Variants in FOXN2 observed in about 807,000 individuals in gnomAD.
The protein encoded by FOXN2 is forkhead box N2.
FOXN2 carries 19 observed loss-of-function variants against 41.2 expected under a neutral mutation model. That is an observed-to-expected ratio of 0.46 (90% CI 0.32 to 0.68). FOXN2 has a LOEUF of 0.68. Among genes scored for constraint, FOXN2 ranks in the 30% least tolerant of loss-of-function variants. The pLI is 0.03. For missense variants in FOXN2, 587 were observed against 509.4 expected (o/e 1.15, Z -1.47); for synonymous variants, 195 against 176.8 (o/e 1.10, Z -0.82).
intron 2 of FOXN2, among the ~76,000 whole-genome samples, chr2:48,331,217 TGA>T (rs1178779215): frequency 6.6e-6 from 1 of 152,222 alleles, no homozygotes; most frequent in Non-Finnish European, 1.5e-5. Flanking sequence ...TGTTTTGATC[TGA>T]GTCTTTTCTC....
Position 48,377,919 on chromosome 2 carries a change from C to T in FOXN2, c.*2476C>T, listed in dbSNP as rs879316764. The T allele has an allele frequency of 6.6e-6, 1 of 151,992 alleles. No homozygotes were observed. The highest frequency in any genetic ancestry group is 1.5e-5 in the Non-Finnish European group (1 of 67,894). 9.4% of individuals were successfully genotyped at this position (151,992 alleles called of 1,614,324 possible). A position where few individuals can be genotyped will look rare whatever the true frequency, so the allele number is the denominator to read the frequency against. The stretch of plus-strand genomic sequence containing the variant: ...CAATTAAGTAGAGTCATTCCAAGTC[C>T]TATGGCCTGGAAATTGTATTCCCTA... On this transcript the variant is annotated 3_prime_UTR_variant, in exon 7 of 7. Transcript: ENST00000340553.
At chr2:48,374,896 T>C (rs753040062) in intron 6 of FOXN2, 24 bp from the exon 7 acceptor site, 4 of 1,573,960 alleles carry the variant, frequency 2.5e-6, no homozygotes, top group African/African-American at 1.4e-5. Flanking sequence ...TTTGACCTAT[T>C]GATGGAACTT....
chr2:48,314,989 G>A lies in FOXN2; in HGVS notation c.-157+175G>A, dbSNP rs1029800867. On this transcript the variant is annotated intron_variant, in intron 1 of 6. Coordinates refer to ENST00000340553, the MANE Select transcript of FOXN2 (RefSeq NM_002158.4). ...TCCAGTGAGGAATTTGCGCCGGCGCGGGGGTGTCCCCGGCGCGCGTATCGG... is the reference window on the plus strand; with the variant it reads ...TCCAGTGAGGAATTTGCGCCGGCGCAGGGGTGTCCCCGGCGCGCGTATCGG... Among the ~76,000 whole-genome samples, 4 of 152,072 alleles carry A rather than the reference G, an allele frequency of 2.6e-5. No homozygotes were observed. In the East Asian group the frequency reaches 7.8e-4, roughly 30 times the overall value.
chr2:48,356,926 T>A (rs1671831903), intron 3 of FOXN2, among the ~76,000 whole-genome samples: 1 of 152,232 alleles, frequency 6.6e-6, no homozygotes, highest in African/African-American at 2.4e-5. Flanking sequence ...ATTTCCTGTT[T>A]CCGTAGCACA....
At chr2:48,323,522 G>A (rs547173746) in intron 1 of FOXN2, among the ~76,000 whole-genome samples, 1 of 152,170 alleles carries the variant, frequency 6.6e-6, no homozygotes, top group South Asian at 2.1e-4. Flanking sequence ...TTGGTTGGCT[G>A]CCTTTATGTC....
chr2:48,330,574 TGATTG>T (rs1032999852), intron 2 of FOXN2, among the ~76,000 whole-genome samples: 2 of 151,876 alleles, frequency 1.3e-5, no homozygotes, highest in African/African-American at 4.8e-5. Context: ...TACTTGAGAG[TGATTG>T]GATAAGAAAG....
chr2:48,356,854 A>C (rs748440905), intron 3 of FOXN2, among the ~76,000 whole-genome samples: 6 of 152,216 alleles, frequency 3.9e-5, no homozygotes, highest in Admixed American at 1.3e-4. Context: ...GCAGTTCTCT[A>C]CCAAGTAAGT....
chr2:48,314,436 C>T (rs898935523), upstream of FOXN2, among the ~76,000 whole-genome samples: 1 of 152,256 alleles, frequency 6.6e-6, no homozygotes, highest in African/African-American at 2.4e-5. Flanking sequence ...CTTCCGGACC[C>T]TGCATTTCAC....
At chr2:48,324,614 A>T (rs187880873) in intron 1 of FOXN2, among the ~76,000 whole-genome samples, 1 of 152,102 alleles carries the variant, frequency 6.6e-6, no homozygotes, top group African/African-American at 2.4e-5. Context: ...CTTCTATTCA[A>T]ATTGGCAGCA....
At chr2:48,362,030 A>G (rs1572764343) in intron 4 of FOXN2, among the ~76,000 whole-genome samples, 1 of 152,010 alleles carries the variant, frequency 6.6e-6, no homozygotes, top group African/African-American at 2.4e-5. Context: ...CATTATTATT[A>G]TTTAATTATC....
Position 48,375,280 on chromosome 2 carries a change from A to T in FOXN2, c.1133A>T (p.Lys378Ile). The change falls in exon 7 of 7, where the codon AAA (lysine) becomes ATA (isoleucine). Residue 378 changes from lysine to isoleucine, a missense_variant. By Grantham distance (102) the Lys-to-Ile change is moderately radical. Coordinates refer to ENST00000340553, the MANE Select transcript of FOXN2 (RefSeq NM_002158.4). Reference protein sequence around the residue: ...ASQPCAKISEKGQSGKKMRKQ... With the variant: ...ASQPCAKISEIGQSGKKMRKQ... The stretch of plus-strand genomic sequence containing the variant: ...CAGCCTTGTGCAAAAATCTCTGAAA[A>T]AGGGCAGTCAGGCAAAAAGATGCGA... 2 of 1,614,060 alleles carry T rather than the reference A, an allele frequency of 1.2e-6. No homozygotes were observed. The highest frequency in any genetic ancestry group is 8.5e-7 in the Non-Finnish European group (1 of 1,180,012).
intron 5 of FOXN2, among the ~76,000 whole-genome samples, chr2:48,371,751 T>G (rs1023876985): frequency 6.6e-6 from 1 of 152,178 alleles, no homozygotes; most frequent in African/African-American, 2.4e-5. Context: ...CTGTTTGTAT[T>G]GTCTTCAATT....
At chr2:48,329,612 C>G (rs569747044) in intron 2 of FOXN2, among the ~76,000 whole-genome samples, 2 of 152,080 alleles carry the variant, frequency 1.3e-5, no homozygotes, top group South Asian at 2.1e-4. Flanking sequence ...CAGTTTTATC[C>G]CTAAGAGACC....
At chr2:48,323,004 A>C (rs1387128837) in intron 1 of FOXN2, among the ~76,000 whole-genome samples, 1 of 151,838 alleles carries the variant, frequency 6.6e-6, no homozygotes, top group Non-Finnish European at 1.5e-5. Context: ...ATGTAAGTAA[A>C]TAATTGCATT....
chr2:48,341,378 A>G (rs190842146), intron 2 of FOXN2, among the ~76,000 whole-genome samples: 2 of 152,304 alleles, frequency 1.3e-5, no homozygotes, highest in Admixed American at 6.5e-5. Flanking sequence ...GCATATTTAT[A>G]TATTCCTGAA....
chr2:48,334,232 A>G (rs974599293), intron 2 of FOXN2, among the ~76,000 whole-genome samples: 6 of 152,174 alleles, frequency 3.9e-5, no homozygotes, highest in African/African-American at 7.2e-5. Context: ...GGTAAAATAC[A>G]TTTTTTATTA....
chr2:48,364,750 G>C (rs11125169), intron 5 of FOXN2, among the ~76,000 whole-genome samples: 28,717 of 152,262 alleles, frequency 0.19, 2,987 homozygotes, highest in South Asian at 0.26. Context: ...TTTGTAAAAT[G>C]GTTGGAGAAA....
upstream of FOXN2, chr2:48,314,538 GC>G (rs1263388825): frequency 6.6e-6 from 1 of 152,230 alleles, no homozygotes; most frequent in African/African-American, 2.4e-5. Flanking sequence ...GGCCGGCCGA[GC>G]CCCCTTCCTC....
chr2:48,320,265 T>G (rs1270926096), intron 1 of FOXN2, among the ~76,000 whole-genome samples: 1 of 152,134 alleles, frequency 6.6e-6, no homozygotes, highest in African/African-American at 2.4e-5. Flanking sequence ...TTGGCATAGT[T>G]ATACTAGACA....
Sources: gnomAD v4.1 joint callset for allele counts (sites outside exome capture counted in the v4.1 genomes callset) on GRCh38, gnomAD v4.1.1 for gene constraint, MANE v1.5 for transcripts, NCBI Gene and HGNC (gene_info 2026-07-23, HGNC 2026-07-21) for gene names.